Variants in UBASH3A observed in about 807,000 individuals in gnomAD.
UBASH3A encodes ubiquitin associated and SH3 domain containing A.
Under a neutral mutation model 73.5 loss-of-function variants are expected in UBASH3A, and 63 were observed. The observed-to-expected ratio is 0.86, with a 90% CI of 0.70 to 1.06. The LOEUF (loss-of-function observed/expected upper bound fraction) is 1.06, where lower values mean the gene tolerates loss of function less well. Among genes scored for constraint, UBASH3A ranks in the 50% least tolerant of loss-of-function variants. UBASH3A has a pLI of 0.00. For missense variants in UBASH3A, 860 were observed against 859.0 expected, an observed-to-expected ratio of 1.00 and a Z score of -0.02; for synonymous variants, 363 against 351.1, an observed-to-expected ratio of 1.03 and a Z score of -0.38.
Position 42,418,370 on chromosome 21 carries a change from G to A in UBASH3A, c.838-31G>A, listed in dbSNP as rs753613164. ...CATTTTCCAATGTAAATCTTTGCTC[G>A]AGACGTGAAACCCCTTTGCCTCTTT... On this transcript the variant is annotated intron_variant, in intron 6 of 14. Transcript: ENST00000319294. The A allele has an allele frequency of 1.7e-5, 27 of 1,592,948 alleles. No individual in the cohort carries two copies. The East Asian group carries it at 1.8e-4, about 11-fold the overall frequency.
Position 42,442,532 on chromosome 21 carries a change from A to G in UBASH3A, c.1567A>G (p.Thr523Ala), listed in dbSNP as rs750506834. The G allele has an allele frequency of 1.9e-6, 3 of 1,614,016 alleles. No individual in the cohort carries two copies. The highest frequency in any genetic ancestry group is 2.5e-6 in the Non-Finnish European group (3 of 1,179,994). Residue 523 changes from threonine (T) to alanine (A), a missense_variant, in exon 12 of 15, where the codon ACC becomes GCC. Coordinates refer to ENST00000319294, the MANE Select transcript of UBASH3A (RefSeq NM_018961.4). ...EWTKWEAGKTTPTLMSLEELK... is the reference protein window; with the variant it reads ...EWTKWEAGKTAPTLMSLEELK... ...GACAAAATGGGAAGCTGGCAAAACC[A>G]CCCCAACCCTCATGAGCCTGGAAGA...
intron 7 of UBASH3A, among the ~76,000 whole-genome samples, chr21:42,421,353 T>C (rs2053334686): frequency 6.6e-6 from 1 of 152,192 alleles, no homozygotes; most frequent in Non-Finnish European, 1.5e-5. Flanking sequence ...CCTTCAGAGC[T>C]GTGTGGCTGG....
intron 3 of UBASH3A, among the ~76,000 whole-genome samples, chr21:42,409,884 T>C (rs946392057): frequency 6.6e-6 from 1 of 152,182 alleles, no homozygotes; most frequent in African/African-American, 2.4e-5. Flanking sequence ...ATTTTCTCGT[T>C]CATGTGTCTA....
chr21:42,408,314 C>T (rs771178203), intron 2 of UBASH3A, among the ~76,000 whole-genome samples: 1 of 152,186 alleles, frequency 6.6e-6, no homozygotes, highest in African/African-American at 2.4e-5. Context: ...AATGAATGCA[C>T]GGTAAATAGA....
chr21:42,432,255 T>A lies in UBASH3A; in HGVS notation c.1270+53T>A, dbSNP rs1009896343. The A allele has an allele frequency of 9.2e-5, 110 of 1,191,468 alleles. No individual in the cohort carries two copies. The African/African-American group carries it at 1.5e-3, about 16-fold the overall frequency. 73.8% of individuals were successfully genotyped at this position (1,191,468 alleles called of 1,614,324 possible). A position where few individuals can be genotyped will look rare whatever the true frequency, so the allele number is the denominator to read the frequency against. ...ACAGAAACACTGTAGATCTAACCAA[T>A]GAGATCTCCTTCTTAATGACCTTAC... On this transcript the variant is annotated intron_variant, in intron 9 of 14. Transcript: ENST00000319294.
At chr21:42,408,528 T>C (rs2053023157) in intron 2 of UBASH3A, among the ~76,000 whole-genome samples, 1 of 152,208 alleles carries the variant, frequency 6.6e-6, no homozygotes, top group African/African-American at 2.4e-5. Context: ...TCAATACCTA[T>C]TGGCAAATTG....
intron 7 of UBASH3A, among the ~76,000 whole-genome samples, chr21:42,422,956 G>T (rs1210845335): frequency 6.6e-6 from 1 of 152,072 alleles, no homozygotes; most frequent in East Asian, 1.9e-4. Flanking sequence ...ATGGGAGGGA[G>T]TCTTTTCAAA....
At position 42,409,623 on chromosome 21, in the gene UBASH3A, T is replaced by G; in HGVS notation, c.354+15T>G. On this transcript the variant is annotated intron_variant, in intron 3 of 14. Coordinates refer to ENST00000319294, the MANE Select transcript of UBASH3A (RefSeq NM_018961.4). ...ACTTCTTCACGGTGAGTCAACCCAG[T>G]GTGCCTTCAATGCTCACGGCAGCTG... 6.2e-7 allele frequency: 1 copy of G among 1,602,842 alleles called. No homozygotes were observed. Among genetic ancestry groups the G allele is most frequent in the Non-Finnish European group, 8.5e-7 (1 of 1,174,390 alleles).
At chr21:42,407,348 T>C (rs945837308) in intron 2 of UBASH3A, among the ~76,000 whole-genome samples, 1 of 152,184 alleles carries the variant, frequency 6.6e-6, no homozygotes, top group African/African-American at 2.4e-5. Flanking sequence ...CCCAATGGGA[T>C]GCCCCCTCCT....
intron 10 of UBASH3A, chr21:42,435,391 A>G (rs924523692): frequency 2.0e-5 from 3 of 153,660 alleles, no homozygotes; most frequent in African/African-American, 7.2e-5. Flanking sequence ...AGAAGAGACC[A>G]TTGAGTTCAT....
chr21:42,437,459 C>A (rs1250710761), intron 10 of UBASH3A, 29 bp from the exon 11 acceptor site: 2 of 1,593,886 alleles, frequency 1.3e-6, no homozygotes, highest in African/African-American at 2.7e-5. Flanking sequence ...TATGAAGGGG[C>A]ATTTTCTGCC....
chr21:42,438,201 G>A (rs2053662949), intron 11 of UBASH3A, among the ~76,000 whole-genome samples: 1 of 152,230 alleles, frequency 6.6e-6, no homozygotes, highest in Admixed American at 6.5e-5. Context: ...CCAGGAGCAT[G>A]GGTGACATGC....
At position 42,442,367 on chromosome 21, in the gene UBASH3A, G is replaced by A. The variant is rs531369830; in HGVS notation, c.1487-85G>A. ...GGCATGATTTAGACGTGTGTGTGAC[G>A]GTCTGAGATCTAAAAGGAGACTTAT... On this transcript the variant is annotated intron_variant, in intron 11 of 14. Transcript: ENST00000319294. The A allele has an allele frequency of 2.4e-4, 326 of 1,364,394 alleles. 1 individual carries two copies. The highest frequency in any genetic ancestry group is 2.9e-4 in the Non-Finnish European group (280 of 974,076). The allele number at this position is 1,364,394 out of a possible 1,614,324, so 84.5% of individuals were successfully genotyped here. A position where few individuals can be genotyped will look rare whatever the true frequency, so the allele number is the denominator to read the frequency against.
chr21:42,407,137 C>G (rs1298490513), intron 2 of UBASH3A, among the ~76,000 whole-genome samples: 1 of 152,172 alleles, frequency 6.6e-6, no homozygotes, highest in African/African-American at 2.4e-5. Context: ...GGCCTGTTCT[C>G]TGCTCTGGGG....
intron 8 of UBASH3A, among the ~76,000 whole-genome samples, chr21:42,431,277 A>G (rs2053524006): frequency 6.6e-6 from 1 of 152,180 alleles, no homozygotes; most frequent in Admixed American, 6.5e-5. Context: ...GGCCCCTCCC[A>G]AAGGGTAGCC....
chr21:42,442,701 A>G, intron 12 of UBASH3A, 105 bp downstream of exon 12: 1 of 1,272,236 alleles, frequency 7.9e-7, no homozygotes, highest in Non-Finnish European at 1.1e-6. Context: ...TTCAAGAGGG[A>G]CCACTGCAGT....
intron 7 of UBASH3A, among the ~76,000 whole-genome samples, chr21:42,420,236 G>T (rs1399492821): frequency 6.6e-6 from 1 of 152,058 alleles, no homozygotes; most frequent in Non-Finnish European, 1.5e-5. Context: ...AAATGCTGTA[G>T]TATTTACATG....
intron 13 of UBASH3A, among the ~76,000 whole-genome samples, chr21:42,444,122 T>C (rs940298404): frequency 2.6e-5 from 4 of 152,208 alleles, no homozygotes; most frequent in Non-Finnish European, 4.4e-5. Flanking sequence ...ACTCGGCCTG[T>C]GGTCTCCAGG....
In UBASH3A at chr21:42,421,484, C is replaced by T. The variant is rs2053337488; in HGVS notation, c.1046+2875C>T. 3.3e-5 allele frequency among the ~76,000 whole-genome samples: 5 copies of T among 152,192 alleles called. No homozygotes were observed. In the South Asian group the frequency reaches 1.0e-3, roughly 32 times the overall value. ...TCTCCTAAAATGCTCCACAGCTTCT[C>T]TAGGGTTCCCCTCACCACCCTGACA... On this transcript the variant is annotated intron_variant, in intron 7 of 14. Transcript: ENST00000319294.
Sources: gnomAD v4.1 joint callset for allele counts (sites outside exome capture counted in the v4.1 genomes callset) on GRCh38, gnomAD v4.1.1 for gene constraint, MANE v1.5 for transcripts, NCBI Gene and HGNC (gene_info 2026-07-23, HGNC 2026-07-21) for gene names.